The following PTCD3 variants were observed in gnomAD, a reference collection of about 807,000 sequenced individuals.
PTCD3 encodes small ribosomal subunit protein mS39.
PTCD3 carries 89 observed loss-of-function variants against 101.9 expected under a neutral mutation model. The ratio of observed to expected loss-of-function variants is 0.87; its 90% CI spans 0.74 to 1.04. The LOEUF is 1.04. Ranked by LOEUF, PTCD3 falls within the 50% of genes least tolerant of loss-of-function variation. The pLI is 0.00. For missense variants in PTCD3, 870 were observed against 828.2 expected (o/e 1.05, Z -0.62); for synonymous variants, 296 against 278.5 (o/e 1.06, Z -0.63).
chr2:86,139,148 A>T lies in PTCD3; in HGVS notation c.*1589A>T, dbSNP rs897402505. 1.3e-5 allele frequency: 2 copies of T among 152,176 alleles called. No individual in the cohort carries two copies. The highest frequency in any genetic ancestry group is 2.9e-5 in the Non-Finnish European group (2 of 68,040). 9.4% of individuals were successfully genotyped at this position (152,176 alleles called of 1,614,324 possible). A position where few individuals can be genotyped will look rare whatever the true frequency, so the allele number is the denominator to read the frequency against. On this transcript the variant is annotated 3_prime_UTR_variant, in exon 24 of 24. Coordinates refer to ENST00000254630, the MANE Select transcript of PTCD3 (RefSeq NM_017952.6). ...AGAAAAATTAAGGCCTCACAGGATGAGTCTCCATTCTCTGTAAATGCTTAT... is the reference window on the plus strand; with the variant it reads ...AGAAAAATTAAGGCCTCACAGGATGTGTCTCCATTCTCTGTAAATGCTTAT...
At chr2:86,126,555 G>A (rs1405306892) in intron 12 of PTCD3, among the ~76,000 whole-genome samples, 1 of 151,982 alleles carries the variant, frequency 6.6e-6, no homozygotes, top group Non-Finnish European at 1.5e-5. Context: ...GAATAGAAAC[G>A]GCTGGGCACG....
chr2:86,133,150 C>G (rs1674523266), intron 17 of PTCD3, 28 bp from the exon 18 acceptor site: 2 of 1,609,224 alleles, frequency 1.2e-6, no homozygotes, highest in Admixed American at 3.4e-5. Flanking sequence ...GGACTTTAGA[C>G]TAAACATACT....
intron 10 of PTCD3, 112 bp downstream of exon 10, chr2:86,125,194 A>G (rs1674361189): frequency 1.4e-6 from 2 of 1,477,636 alleles, no homozygotes; most frequent in Non-Finnish European, 1.8e-6. Context: ...TGTCCTGTGC[A>G]TTGTAGGATG....
intron 7 of PTCD3, among the ~76,000 whole-genome samples, chr2:86,120,646 G>C (rs1674263516): frequency 6.6e-6 from 1 of 152,074 alleles, no homozygotes; most frequent in South Asian, 2.1e-4. Context: ...TGTAATCCCA[G>C]CACTTTGGGA....
Position 86,125,090 on chromosome 2 carries a change from TG to T in PTCD3, c.804+9del. On this transcript the variant is annotated intron_variant, in intron 10 of 23. Coordinates refer to ENST00000254630, the MANE Select transcript of PTCD3 (RefSeq NM_017952.6). ...ATCCGAGGAATGGTGAAGGTACATT[TG>T]TTTTATTTATTTTTGTCTTTCATTT... 6.2e-7 allele frequency: 1 copy of T among 1,612,902 alleles called. No individual in the cohort carries two copies. The highest frequency in any genetic ancestry group is 8.5e-7 in the Non-Finnish European group (1 of 1,179,754).
intron 4 of PTCD3, among the ~76,000 whole-genome samples, chr2:86,113,765 C>T (rs901068364): frequency 3.3e-5 from 5 of 152,030 alleles, no homozygotes; most frequent in African/African-American, 7.2e-5. Context: ...GAGCCAGGAT[C>T]GCACCACTGT....
intron 1 of PTCD3, among the ~76,000 whole-genome samples, chr2:86,106,773 A>G (rs763753579): frequency 4.6e-5 from 7 of 152,222 alleles, no homozygotes; most frequent in Non-Finnish European, 8.8e-5. Context: ...GACTTTGGCT[A>G]AAGAAGTTAT....
At position 86,116,587 on chromosome 2, in the gene PTCD3, T is replaced by C. The variant is rs776018448; in HGVS notation, c.298T>C (p.Ser100Pro). ...QDDPYLMPAS[S>P]LESRSFLLAK... ...TGATCCTTACCTTATGCCAGCATCA[T>C]CTTTGGAATCTGTGAGTATTTTCAT... Residue 100 changes from serine to proline, a missense_variant, in exon 5 of 24, where the codon TCT becomes CCT. Coordinates refer to ENST00000254630, the MANE Select transcript of PTCD3 (RefSeq NM_017952.6). 1.2e-6 allele frequency: 2 copies of C among 1,606,640 alleles called. No individual in the cohort carries two copies. The highest frequency in any genetic ancestry group is 1.7e-6 in the Non-Finnish European group (2 of 1,173,226).
Position 86,111,119 on chromosome 2 carries a change from AGTAGCC to A in PTCD3, c.204_209del (p.Ala69_Val70del). On this transcript the variant is annotated inframe_deletion, in exon 4 of 24. Coordinates refer to ENST00000254630, the MANE Select transcript of PTCD3 (RefSeq NM_017952.6). ...TTGTGGTTCTTATTTTTAGGGATAA[AGTAGCC>A]GTTCTTCAGGCACTTGCATCCACAG... is the stretch of plus-strand genomic sequence containing the variant. 6.2e-7 allele frequency: 1 copy of A among 1,613,628 alleles called. No homozygotes were observed. Among genetic ancestry groups the A allele is most frequent in the Non-Finnish European group, 8.5e-7 (1 of 1,179,532 alleles).
At chr2:86,107,532 T>A (rs1673982883) in intron 1 of PTCD3, among the ~76,000 whole-genome samples, 1 of 152,236 alleles carries the variant, frequency 6.6e-6, no homozygotes, top group South Asian at 2.1e-4. Flanking sequence ...CGTCACATTA[T>A]CTGTGGTGTG....
Position 86,127,215 on chromosome 2 carries a change from A to C in PTCD3, c.1006A>C (p.Asn336His). 1 of 1,613,718 alleles carries C rather than the reference A, an allele frequency of 6.2e-7. No homozygotes were observed. Among genetic ancestry groups the C allele is most frequent in the Non-Finnish European group, 8.5e-7 (1 of 1,179,632 alleles). Residue 336 changes from asparagine to histidine, a missense_variant, in exon 13 of 24, where the codon AAT becomes CAT. By Grantham distance (68) the Asn-to-His change is moderately conservative. Coordinates refer to ENST00000254630, the MANE Select transcript of PTCD3 (RefSeq NM_017952.6). ...GGTGAAACCAAATCTTCAGACTTTT[A>C]ATACCATTCTGAAATGTCTCCGAAG... is the stretch of plus-strand genomic sequence containing the variant. The part of the protein sequence containing the change: ...QKVKPNLQTF[N>H]TILKCLRRFH...
intron 9 of PTCD3, 29 bp from the exon 10 acceptor site, chr2:86,124,966 T>C (rs1376411140): frequency 1.2e-6 from 2 of 1,610,444 alleles, no homozygotes; most frequent in Non-Finnish European, 1.7e-6. Context: ...TCTTATTGCC[T>C]GGGTTCACAT....
intron 20 of PTCD3, 35 bp downstream of exon 20, chr2:86,134,412 C>T: frequency 6.6e-7 from 1 of 1,515,992 alleles, no homozygotes; most frequent in Admixed American, 1.7e-5. Flanking sequence ...TATATCCTCC[C>T]ATACTGAGGT....
intron 4 of PTCD3, among the ~76,000 whole-genome samples, 168 bp downstream of exon 4, chr2:86,111,326 C>G (rs1044374163): frequency 6.6e-6 from 1 of 152,138 alleles, no homozygotes. Flanking sequence ...CGGTGGCTCA[C>G]GCCTGTAATC....
intron 14 of PTCD3, among the ~76,000 whole-genome samples, chr2:86,128,262 A>AT (rs35529284): frequency 0.42 from 56,453 of 132,910 alleles, 12,500 homozygotes; most frequent in Non-Finnish European, 0.5. Flanking sequence ...TGCCTAGCTG[A>AT]TTTTTTTTTT....
intron 8 of PTCD3, among the ~76,000 whole-genome samples, chr2:86,122,750 A>T (rs1212259924): frequency 3.9e-5 from 6 of 152,198 alleles, no homozygotes; most frequent in African/African-American, 1.4e-4. Flanking sequence ...TACATTTTTA[A>T]AAGTGCATAG....
chr2:86,136,795 T>C (rs1674592381), intron 22 of PTCD3, 187 bp from the exon 23 acceptor site: 2 of 817,990 alleles, frequency 2.4e-6, no homozygotes, highest in Non-Finnish European at 4.0e-6. Flanking sequence ...TGAATGAATG[T>C]TGATAATCCA....
chr2:86,118,674 T>C (rs1674222820), intron 6 of PTCD3, among the ~76,000 whole-genome samples: 1 of 152,208 alleles, frequency 6.6e-6, no homozygotes, highest in Non-Finnish European at 1.5e-5. Flanking sequence ...GTGAATGAGG[T>C]AAAATCAGCA....
Position 86,137,500 on chromosome 2 carries a change from A to G in PTCD3, c.2011A>G (p.Ser671Gly). The part of the protein sequence containing the change: ...EALSNLTALT[S>G]DSDTDSSSDS... ...CCTAAGTAATCTAACTGCATTGACCAGTGACAGTGATACTGACAGCAGCAG... is the reference window on the plus strand; with the variant it reads ...CCTAAGTAATCTAACTGCATTGACCGGTGACAGTGATACTGACAGCAGCAG... Residue 671 changes from serine to glycine, a missense_variant, in exon 24 of 24, where the codon AGT (serine) becomes GGT (glycine). Coordinates refer to ENST00000254630, the MANE Select transcript of PTCD3 (RefSeq NM_017952.6). 1.2e-6 allele frequency: 2 copies of G among 1,613,446 alleles called. No individual in the cohort carries two copies. The highest frequency in any genetic ancestry group is 2.2e-5 in the South Asian group (2 of 90,610).
Sources: gnomAD v4.1 joint callset for allele counts (sites outside exome capture counted in the v4.1 genomes callset) on GRCh38, gnomAD v4.1.1 for gene constraint, MANE v1.5 for transcripts, NCBI Gene and HGNC (gene_info 2026-07-23, HGNC 2026-07-21) for gene names.